RGMA: variants seen among roughly 807,000 people sequenced by gnomAD.
RGMA encodes repulsive guidance molecule BMP co-receptor a.
RGMA carries 10 observed loss-of-function variants against 23.2 expected under a neutral mutation model. That is an observed-to-expected ratio of 0.43 (90% CI 0.27 to 0.73). RGMA has a LOEUF of 0.73. RGMA is among the 30% of genes least tolerant of loss of function. The pLI is 0.20. For missense variants in RGMA, 547 were observed against 630.5 expected, an observed-to-expected ratio of 0.87 and a Z score of 1.42; for synonymous variants, 308 against 279.3, an observed-to-expected ratio of 1.10 and a Z score of -1.03.
intron 1 of RGMA, among the ~76,000 whole-genome samples, chr15:93,079,684 G>A (rs1344288610): frequency 6.6e-6 from 1 of 152,168 alleles, no homozygotes. Context: ...GCCAGGCATG[G>A]CAGTGGGCAC....
chr15:93,053,850 G>A (rs1345219954), intron 2 of RGMA, among the ~76,000 whole-genome samples: 2 of 152,222 alleles, frequency 1.3e-5, no homozygotes, highest in Non-Finnish European at 2.9e-5. Context: ...CATACTGCCA[G>A]TAACAAGGTA....
At chr15:93,075,069 C>T (rs545803701) in intron 1 of RGMA, among the ~76,000 whole-genome samples, 197 of 151,508 alleles carry the variant, frequency 1.3e-3, no homozygotes, top group African/African-American at 4.1e-3. Flanking sequence ...CTGCCCTTGC[C>T]CAAGAATGGA....
chr15:93,084,548 C>T (rs1241188117), intron 1 of RGMA, among the ~76,000 whole-genome samples: 4 of 152,026 alleles, frequency 2.6e-5, no homozygotes, highest in African/African-American at 9.7e-5. Context: ...TCTTGGTTCA[C>T]GGCAACCTCC....
chr15:93,041,863 G>C lies in RGMA; in HGVS notation c.*3135C>G, dbSNP rs2054728150. ...GGAGCCCTGCAAGAACAGGGCTTTAGAACGTTCTCCTTTTTTGGCCGGGCA... is the reference window on the plus strand; with the variant it reads ...GGAGCCCTGCAAGAACAGGGCTTTACAACGTTCTCCTTTTTTGGCCGGGCA... On this transcript the variant is annotated 3_prime_UTR_variant, in exon 4 of 4. Coordinates refer to ENST00000329082, the MANE Select transcript of RGMA (RefSeq NM_020211.3). 1 of 152,284 alleles carries C rather than the reference G, an allele frequency of 6.6e-6. No homozygotes were observed. Among genetic ancestry groups the C allele is most frequent in the Non-Finnish European group, 1.5e-5 (1 of 68,092 alleles). The allele number at this position is 152,284 out of a possible 1,614,324, so 9.4% of individuals were successfully genotyped here. A position where few individuals can be genotyped will look rare whatever the true frequency, so the allele number is the denominator to read the frequency against.
intron 2 of RGMA, among the ~76,000 whole-genome samples, chr15:93,064,092 G>T (rs1251133980): frequency 6.6e-6 from 1 of 152,154 alleles, no homozygotes; most frequent in African/African-American, 2.4e-5. Context: ...GGGCCATGTG[G>T]AGGCAGACCA....
At chr15:93,076,001 C>G (rs1895467614) in intron 1 of RGMA, among the ~76,000 whole-genome samples, 1 of 152,208 alleles carries the variant, frequency 6.6e-6, no homozygotes, top group African/African-American at 2.4e-5. Flanking sequence ...AACTTTTAAA[C>G]AGCTCCCCAA....
intron 2 of RGMA, among the ~76,000 whole-genome samples, chr15:93,068,962 G>C (rs1047180457): frequency 6.6e-6 from 1 of 152,192 alleles, no homozygotes; most frequent in Non-Finnish European, 1.5e-5. Context: ...TCAGAACTGT[G>C]AGCAATAAAT....
Position 93,045,006 on chromosome 15 carries a change from A to T in RGMA, c.1345T>A (p.Phe449Ile), listed in dbSNP as rs1220218035. Reference sequence around the variant, plus strand: ...CCTCCACATCTACGCGTCTAGCAGAACACAGGGAGCAGGGCCAGGAGCGGG... The same window carrying T: ...CCTCCACATCTACGCGTCTAGCAGATCACAGGGAGCAGGGCCAGGAGCGGG... ...LVPLLALLPV[F>I]C The change falls in exon 4 of 4, where the codon TTC becomes ATC. Residue 449 changes from phenylalanine (F) to isoleucine (I), a missense_variant. Around this residue, in one of 3 missense-constraint regions of RGMA, gnomAD observed 205 missense variants for 204.1 expected, o/e 1.00. Transcript: ENST00000329082. The surrounding 1 kb of genome is among the most constrained non-coding windows in gnomAD (Gnocchi z 6.9). 6.3e-7 allele frequency: 1 copy of T among 1,599,112 alleles called. No individual in the cohort carries two copies. Among genetic ancestry groups the T allele is most frequent in the East Asian group, 2.3e-5 (1 of 44,372 alleles).
At chr15:93,065,370 C>T (rs1279959667) in intron 2 of RGMA, among the ~76,000 whole-genome samples, 1 of 150,530 alleles carries the variant, frequency 6.6e-6, no homozygotes, top group Non-Finnish European at 1.5e-5. Flanking sequence ...GAACAGTAAG[C>T]TCCCTTCCTT....
At chr15:93,081,984 C>G (rs1534780) in intron 1 of RGMA, among the ~76,000 whole-genome samples, 58,282 of 152,152 alleles carry the variant, frequency 0.38, 11,539 homozygotes, top group Non-Finnish European at 0.43. Context: ...GGGCTAAGAA[C>G]ATGCAGTCCG....
At chr15:93,060,244 C>T (rs1042906908) in intron 2 of RGMA, among the ~76,000 whole-genome samples, 1 of 152,210 alleles carries the variant, frequency 6.6e-6, no homozygotes, top group Admixed American at 6.5e-5. Flanking sequence ...ACCTGGGGTT[C>T]GACCTCAGAG....
chr15:93,052,277 T>A lies in RGMA; in HGVS notation c.361A>T (p.Thr121Ser). The A allele has an allele frequency of 6.2e-7, 1 of 1,602,498 alleles. No homozygotes were observed. The highest frequency in any genetic ancestry group is 8.5e-7 in the Non-Finnish European group (1 of 1,174,450). ...AGCGTGCGCAGGCGTGGCTGCGAGG[T>A]GGGGCCATCCTTGGAGCAGTTGTGC... ...SQHNCSKDGP[T>S]SQPRLRTLPP... is the part of the protein sequence containing the mutation. The change falls in exon 3 of 4, where the codon ACC (threonine) becomes TCC (serine). Residue 121 changes from threonine (T) to serine (S), a missense_variant. Thr to Ser is a moderately conservative substitution (Grantham distance 58). This residue lies in a region of RGMA where 214 missense variants were observed against 234.7 expected (regional missense o/e 0.91). Transcript: ENST00000329082.
At chr15:93,083,514 A>C (rs926062326) in intron 1 of RGMA, among the ~76,000 whole-genome samples, 2 of 152,138 alleles carry the variant, frequency 1.3e-5, no homozygotes, top group East Asian at 3.9e-4. Flanking sequence ...TTTTTAGCAG[A>C]GACCGGGTTT....
At position 93,041,154 on chromosome 15, in the gene RGMA, C is replaced by G. The variant is rs573084697; in HGVS notation, c.*3844G>C. The G allele has an allele frequency of 6.7e-6, 1 of 150,322 alleles. No individual in the cohort carries two copies. Among genetic ancestry groups the G allele is most frequent in the Non-Finnish European group, 1.5e-5 (1 of 68,096 alleles). The allele number at this position is 150,322 out of a possible 1,614,324, so 9.3% of individuals were successfully genotyped here. A position where few individuals can be genotyped will look rare whatever the true frequency, so the allele number is the denominator to read the frequency against. Reference sequence around the variant, plus strand: ...TAATGATTTTCACCCCCCCGTCTGCCCCCTTCATCGTGACTCTCATTCATT... The same window carrying G: ...TAATGATTTTCACCCCCCCGTCTGCGCCCTTCATCGTGACTCTCATTCATT... On this transcript the variant is annotated 3_prime_UTR_variant, in exon 4 of 4. Coordinates refer to ENST00000329082, the MANE Select transcript of RGMA (RefSeq NM_020211.3).
chr15:93,075,410 C>T (rs1895456506), intron 1 of RGMA, among the ~76,000 whole-genome samples: 1 of 152,106 alleles, frequency 6.6e-6, no homozygotes, highest in African/African-American at 2.4e-5. Flanking sequence ...ACCCGTCGTC[C>T]ACACTGCCCC....
At chr15:93,047,725 G>A (rs1413765130) in intron 3 of RGMA, among the ~76,000 whole-genome samples, 1 of 152,226 alleles carries the variant, frequency 6.6e-6, no homozygotes, top group Non-Finnish European at 1.5e-5. Flanking sequence ...GCCGTTCTCT[G>A]CCTGGGCACT....
In RGMA at chr15:93,045,777, C is replaced by A; in HGVS notation, c.646-72G>T. The A allele has an allele frequency of 8.8e-7, 1 of 1,134,244 alleles. No homozygotes were observed. The highest frequency in any genetic ancestry group is 1.5e-5 in the African/African-American group (1 of 66,214). The allele number at this position is 1,134,244 out of a possible 1,614,324, so 70.3% of individuals were successfully genotyped here. A position where few individuals can be genotyped will look rare whatever the true frequency, so the allele number is the denominator to read the frequency against. Reference sequence around the variant, plus strand: ...GAGGCACAGCCCCACACTTAAGATGCTCTAGACTGAGAGGAGGGCAGGAAG... The same window carrying A: ...GAGGCACAGCCCCACACTTAAGATGATCTAGACTGAGAGGAGGGCAGGAAG... On this transcript the variant is annotated intron_variant, in intron 3 of 3. Coordinates refer to ENST00000329082, the MANE Select transcript of RGMA (RefSeq NM_020211.3). The surrounding 1 kb of genome is among the most constrained non-coding windows in gnomAD (Gnocchi z 6.9).
chr15:93,049,387 G>A (rs1255551184), intron 3 of RGMA, among the ~76,000 whole-genome samples: 4 of 152,220 alleles, frequency 2.6e-5, no homozygotes, highest in Non-Finnish European at 4.4e-5. Context: ...AAAGGAAGGG[G>A]AAGGCGCAGG....
In RGMA at chr15:93,089,023, G is replaced by A. The variant is rs1174427642; in HGVS notation, c.-91C>T. 5.1e-6 allele frequency: 4 copies of A among 781,560 alleles called. No homozygotes were observed. The highest frequency in any genetic ancestry group is 7.2e-6 in the Non-Finnish European group (4 of 553,500). The allele number at this position is 781,560 out of a possible 1,614,324, so 48.4% of individuals were successfully genotyped here. A position where few individuals can be genotyped will look rare whatever the true frequency, so the allele number is the denominator to read the frequency against. ...CCGCTCGTCTGCCCCGGGGCAAGGT[G>A]GGAGGGGCTCCGCTGGCGCTGGTCC... On this transcript the variant is annotated 5_prime_UTR_variant, in exon 1 of 4. Coordinates refer to ENST00000329082, the MANE Select transcript of RGMA (RefSeq NM_020211.3).
Sources: allele counts gnomAD v4.1 joint callset (sites outside exome capture counted in the v4.1 genomes callset), GRCh38; gene constraint gnomAD v4.1.1; regional missense constraint gnomAD v4.1.1; non-coding constraint Gnocchi (gnomAD v3.1); transcripts MANE v1.5; gene names NCBI Gene and HGNC (gene_info 2026-07-23, HGNC 2026-07-21).